Variants in OLA1 observed in about 807,000 individuals in gnomAD.
The protein encoded by OLA1 is Obg like ATPase 1.
OLA1 carries 14 observed loss-of-function variants against 48.4 expected under a neutral mutation model. The observed-to-expected ratio is 0.29, with a 90% CI of 0.19 to 0.45. The LOEUF (loss-of-function observed/expected upper bound fraction) is 0.45. OLA1 is among the 20% of genes least tolerant of loss of function. The pLI is 1.00. For missense variants in OLA1, 325 were observed against 467.1 expected (o/e 0.70, Z 2.80); for synonymous variants, 127 against 150.4 (o/e 0.84, Z 1.14).
chr2:174,176,329 A>G (rs1361634296), intron 4 of OLA1, among the ~76,000 whole-genome samples: 1 of 152,136 alleles, frequency 6.6e-6, no homozygotes, highest in Non-Finnish European at 1.5e-5. Context: ...ACCTATTCTG[A>G]AATCTTAATA....
intron 5 of OLA1, among the ~76,000 whole-genome samples, chr2:174,137,447 C>G (rs1272256477): frequency 6.6e-6 from 1 of 152,196 alleles, no homozygotes; most frequent in Non-Finnish European, 1.5e-5. Context: ...TTAAAGTCAC[C>G]AACCGCATTA....
At chr2:174,247,735 C>T in intron 1 of OLA1, 2 of 1,551,104 alleles carry the variant, frequency 1.3e-6, no homozygotes, top group Non-Finnish European at 1.7e-6. Flanking sequence ...CTCATCAGTC[C>T]TCATAAGCAA....
intron 4 of OLA1, among the ~76,000 whole-genome samples, chr2:174,187,219 C>T (rs189938861): frequency 2.6e-5 from 4 of 152,250 alleles, no homozygotes; most frequent in East Asian, 3.9e-4. Context: ...GACACATTTG[C>T]CAAGGTCATC....
rs12623617 is a variant in OLA1 at position 174,142,832 on chromosome 2, C to T, written c.374-832G>A. ...TAGTATCATAAAAAATGAACAAATA[C>T]TAAGAAATATTACAAACAGAAAGCA... is the stretch of plus-strand genomic sequence containing the variant. On this transcript the variant is annotated intron_variant, in intron 4 of 10. Coordinates refer to ENST00000284719, the MANE Select transcript of OLA1 (RefSeq NM_013341.5). 1.9e-3 allele frequency among the ~76,000 whole-genome samples: 289 copies of T among 152,128 alleles called. 1 individual carries two copies. Among genetic ancestry groups the T allele is most frequent in the African/African-American group, 6.6e-3 (276 of 41,518 alleles).
chr2:174,226,456 C>T (rs1178745305), intron 3 of OLA1, among the ~76,000 whole-genome samples: 1 of 151,848 alleles, frequency 6.6e-6, no homozygotes, highest in Non-Finnish European at 1.5e-5. Flanking sequence ...TGAACACAGA[C>T]TACCAAAAAC....
At chr2:174,145,772 G>A (rs1478667940) in intron 4 of OLA1, among the ~76,000 whole-genome samples, 4 of 152,150 alleles carry the variant, frequency 2.6e-5, no homozygotes, top group Admixed American at 2.6e-4. Context: ...TATGTATAAA[G>A]TAACAATCAT....
chr2:174,114,341 C>CAAAAAAAAAAAAAAAAAAAAAA (rs76471043), intron 7 of OLA1, among the ~76,000 whole-genome samples: 1 of 60,630 alleles, frequency 1.6e-5, no homozygotes, highest in Non-Finnish European at 2.6e-5. Context: ...GACTCCGCCT[C>CAAAAAAAAAAAAAAAAAAAAAA]AAAAAAAAAA....
intron 2 of OLA1, among the ~76,000 whole-genome samples, chr2:174,243,853 A>G (rs1010505762): frequency 3.9e-5 from 6 of 152,222 alleles, no homozygotes; most frequent in African/African-American, 1.4e-4. Context: ...AAAAACCAAG[A>G]GATTCTCTAG....
At position 174,075,548 on chromosome 2, in the gene OLA1, G is replaced by A. The variant is rs747438629; in HGVS notation, c.1090-21C>T. The A allele has an allele frequency of 8.2e-6, 12 of 1,459,400 alleles. No homozygotes were observed. The African/African-American group carries it at 8.4e-5, about 10-fold the overall frequency. The allele number at this position is 1,459,400 out of a possible 1,614,324, so 90.4% of individuals were successfully genotyped here. ...GCAGCCTGCAAACAGAAAATATAGA[G>A]GAAATGGGTTATTAGTTTACAACTA... On this transcript the variant is annotated intron_variant, in intron 10 of 10. Coordinates refer to ENST00000284719, the MANE Select transcript of OLA1 (RefSeq NM_013341.5).
chr2:174,237,492 G>A (rs970533299), intron 2 of OLA1, among the ~76,000 whole-genome samples: 6 of 152,138 alleles, frequency 3.9e-5, no homozygotes, highest in Admixed American at 3.3e-4. Context: ...GCTAATGCCT[G>A]TAATCCCAGC....
intron 7 of OLA1, among the ~76,000 whole-genome samples, chr2:174,117,007 G>C (rs1452177058): frequency 6.6e-6 from 1 of 152,172 alleles, no homozygotes; most frequent in Non-Finnish European, 1.5e-5. Context: ...TGGAAGCCAA[G>C]GGTGACAATA....
At chr2:174,223,645 T>A (rs941247921) in intron 3 of OLA1, among the ~76,000 whole-genome samples, 2 of 151,726 alleles carry the variant, frequency 1.3e-5, no homozygotes, top group Admixed American at 6.6e-5. Flanking sequence ...ATAAGGAAAT[T>A]ATGCCTTAGA....
At chr2:174,195,881 T>C in intron 4 of OLA1, among the ~76,000 whole-genome samples, 1 of 152,168 alleles carries the variant, frequency 6.6e-6, no homozygotes, top group East Asian at 1.9e-4. Flanking sequence ...AAATGAGTAA[T>C]TTTATTCCAT....
intron 2 of OLA1, among the ~76,000 whole-genome samples, chr2:174,230,160 T>C (rs1376572302): frequency 1.3e-5 from 2 of 152,098 alleles, no homozygotes; most frequent in Non-Finnish European, 2.9e-5. Context: ...AAAAATGTGA[T>C]AACACTTTAT....
chr2:174,127,417 C>A (rs771182500), intron 5 of OLA1, among the ~76,000 whole-genome samples: 3 of 152,162 alleles, frequency 2.0e-5, no homozygotes, highest in African/African-American at 7.2e-5. Flanking sequence ...GATCATTAAT[C>A]CATGTATCAC....
At chr2:174,201,532 G>A (rs994382144) in intron 4 of OLA1, among the ~76,000 whole-genome samples, 4 of 152,004 alleles carry the variant, frequency 2.6e-5, no homozygotes, top group Admixed American at 1.3e-4. Context: ...TTATTGTTTA[G>A]TAGAGAAGGG....
chr2:174,107,901 A>T (rs1460692010), intron 7 of OLA1, among the ~76,000 whole-genome samples: 1 of 152,132 alleles, frequency 6.6e-6, no homozygotes. Flanking sequence ...TAGATAGGAT[A>T]AAAAAGGGAG....
intron 4 of OLA1, among the ~76,000 whole-genome samples, chr2:174,147,155 G>A (rs891923985): frequency 3.9e-5 from 6 of 152,218 alleles, no homozygotes; most frequent in African/African-American, 9.6e-5. Flanking sequence ...GGCCAGGTGC[G>A]GTGGCTCACC....
At chr2:174,111,171 G>T (rs902541679) in intron 7 of OLA1, among the ~76,000 whole-genome samples, 1 of 152,096 alleles carries the variant, frequency 6.6e-6, no homozygotes, top group African/African-American at 2.4e-5. Flanking sequence ...AGGAAACCAA[G>T]GGCTATAAGG....
Sources: allele counts gnomAD v4.1 joint callset (sites outside exome capture counted in the v4.1 genomes callset), GRCh38; gene constraint gnomAD v4.1.1; transcripts MANE v1.5; gene names NCBI Gene and HGNC (gene_info 2026-07-23, HGNC 2026-07-21).